Variants in CLDN10 observed in about 807,000 individuals in gnomAD.
CLDN10 encodes the protein claudin-10.
A neutral mutation model predicts 22.9 loss-of-function variants in CLDN10; 15 were observed. The observed-to-expected ratio is 0.65, with a 90% CI of 0.44 to 1.01. The LOEUF is 1.01. Among genes scored for constraint, CLDN10 ranks in the 50% least tolerant of loss-of-function variants. The pLI is 0.00. For missense variants in CLDN10, 247 were observed against 287.8 expected (o/e 0.86, Z 1.03); for synonymous variants, 114 against 111.4 (o/e 1.02, Z -0.15).
chr13:95,533,162 G>C (rs147387715), intron 1 of CLDN10, among the ~76,000 whole-genome samples: 157 of 150,270 alleles, frequency 1.0e-3, no homozygotes, highest in Non-Finnish European at 1.6e-3. Context: ...TATGCTTGCT[G>C]AAGGATTTAG....
intron 1 of CLDN10, among the ~76,000 whole-genome samples, chr13:95,542,273 C>T (rs1240512423): frequency 2.0e-5 from 3 of 152,160 alleles, no homozygotes; most frequent in African/African-American, 4.8e-5. Flanking sequence ...TACAATTCTA[C>T]ATGAGATGTG....
chr13:95,539,268 G>T (rs920329832), intron 1 of CLDN10, among the ~76,000 whole-genome samples: 2 of 152,198 alleles, frequency 1.3e-5, no homozygotes, highest in African/African-American at 4.8e-5. Flanking sequence ...AAAGTAGAGG[G>T]TACAAAGGAA....
At chr13:95,479,547 A>C (rs2139113204) in intron 1 of CLDN10, 1 of 152,342 alleles carries the variant, frequency 6.6e-6, no homozygotes, top group African/African-American at 2.4e-5. Context: ...ATGGACATTT[A>C]GCAAAAATAA....
At chr13:95,469,661 T>G (rs4073353) in intron 1 of CLDN10, among the ~76,000 whole-genome samples, 44,404 of 152,102 alleles carry the variant, frequency 0.29, 7,856 homozygotes, top group Non-Finnish European at 0.39. Flanking sequence ...TCTGTGCTGT[T>G]CCCTTGCTCT....
chr13:95,489,640 G>T (rs549943783), intron 1 of CLDN10, among the ~76,000 whole-genome samples: 2 of 152,206 alleles, frequency 1.3e-5, no homozygotes, highest in African/African-American at 4.8e-5. Flanking sequence ...TGTATAGATT[G>T]TGAACATTTT....
chr13:95,478,544 C>G (rs761983045), intron 1 of CLDN10, among the ~76,000 whole-genome samples: 1 of 152,170 alleles, frequency 6.6e-6, no homozygotes, highest in Non-Finnish European at 1.5e-5. Context: ...GGTTTGAGAG[C>G]AAGACCAGGA....
At chr13:95,576,972 G>C (rs540022393) in intron 3 of CLDN10, among the ~76,000 whole-genome samples, 7 of 152,298 alleles carry the variant, frequency 4.6e-5, no homozygotes, top group Admixed American at 6.5e-5. Flanking sequence ...GGAGACCCTG[G>C]CTGTGACTAC....
intron 1 of CLDN10, among the ~76,000 whole-genome samples, chr13:95,520,760 A>C (rs1202645710): frequency 1.3e-5 from 2 of 152,140 alleles, no homozygotes; most frequent in Admixed American, 1.3e-4. Context: ...AGGCAGGTGG[A>C]TCATGAGGTC....
Position 95,499,333 on chromosome 13 carries a change from G to A in CLDN10, c.215-60799G>A, listed in dbSNP as rs141073254. Among the ~76,000 whole-genome samples, 924 of 152,286 alleles carry A rather than the reference G, an allele frequency of 6.1e-3. 12 individuals carry two copies. The highest frequency in any genetic ancestry group is 0.021 in the African/African-American group (891 of 41,536). On this transcript the variant is annotated intron_variant, in intron 1 of 4. Coordinates refer to the CLDN10 transcript ENST00000376873. ...GAGGCAGGTGAATCACCTGAGGTCA[G>A]GAGTTCTAGACCACCCTAGCCAACA...
chr13:95,529,766 A>C (rs1270694085), intron 1 of CLDN10, among the ~76,000 whole-genome samples: 2 of 152,134 alleles, frequency 1.3e-5, no homozygotes, highest in Non-Finnish European at 2.9e-5. Context: ...TACAGTTAAT[A>C]TTCCAGTTTC....
At chr13:95,510,360 AC>A (rs1166908400) in intron 1 of CLDN10, among the ~76,000 whole-genome samples, 1 of 152,050 alleles carries the variant, frequency 6.6e-6, no homozygotes, top group African/African-American at 2.4e-5. Flanking sequence ...GCTTGTCCTG[AC>A]CCCTCTGAGC....
At chr13:95,494,767 AT>A (rs2042910302) in intron 1 of CLDN10, among the ~76,000 whole-genome samples, 1 of 152,158 alleles carries the variant, frequency 6.6e-6, no homozygotes, top group African/African-American at 2.4e-5. Flanking sequence ...AGGATGGTAG[AT>A]ACGGACAGGG....
chr13:95,563,095 A>C (rs371957199), intron 3 of CLDN10, among the ~76,000 whole-genome samples: 1 of 128,066 alleles, frequency 7.8e-6, no homozygotes, highest in African/African-American at 3.1e-5. Context: ...CTGCCTACCC[A>C]CTCTCTCTCT....
At chr13:95,478,630 T>C (rs2042708626) in intron 1 of CLDN10, among the ~76,000 whole-genome samples, 1 of 152,206 alleles carries the variant, frequency 6.6e-6, no homozygotes, top group African/African-American at 2.4e-5. Flanking sequence ...CATCCCCATT[T>C]GGCTTCCTGG....
intron 1 of CLDN10, among the ~76,000 whole-genome samples, chr13:95,523,127 C>T (rs2043239689): frequency 6.6e-6 from 1 of 151,436 alleles, no homozygotes; most frequent in Admixed American, 6.6e-5. Context: ...ACTCCTTTTC[C>T]ACTCCTTTCT....
At chr13:95,558,760 T>C (rs2043668920) in intron 1 of CLDN10, among the ~76,000 whole-genome samples, 1 of 152,096 alleles carries the variant, frequency 6.6e-6, no homozygotes, top group South Asian at 2.1e-4. Flanking sequence ...ACACTGTCTC[T>C]ATAAAAATTT....
At chr13:95,539,664 T>C (rs144645724) in intron 1 of CLDN10, among the ~76,000 whole-genome samples, 1 of 152,364 alleles carries the variant, frequency 6.6e-6, no homozygotes, top group East Asian at 1.9e-4. Flanking sequence ...TTATTGAAAC[T>C]GTATTTTCTA....
intron 1 of CLDN10, among the ~76,000 whole-genome samples, chr13:95,455,125 C>T (rs529621277): frequency 2.1e-4 from 31 of 151,184 alleles, no homozygotes; most frequent in Non-Finnish European, 4.1e-4. Context: ...TGCAGTGAGC[C>T]ATGATCGCAC....
chr13:95,515,208 TTG>T (rs1555294778), intron 1 of CLDN10, among the ~76,000 whole-genome samples: 2 of 151,606 alleles, frequency 1.3e-5, no homozygotes, highest in African/African-American at 2.4e-5. Context: ...GTTGTTGTTG[TTG>T]TTTTTTGAGA....
Sources: gnomAD v4.1 joint callset for allele counts (sites outside exome capture counted in the v4.1 genomes callset) on GRCh38, gnomAD v4.1.1 for gene constraint, MANE v1.5 for transcripts, NCBI Gene and HGNC (gene_info 2026-07-23, HGNC 2026-07-21) for gene names.